The following ELP4 variants were observed in gnomAD, a reference collection of about 807,000 sequenced individuals.
ELP4 encodes elongator complex protein 4.
ELP4 carries 51 observed loss-of-function variants against 48.9 expected under a neutral mutation model. The ratio of observed to expected loss-of-function variants is 1.04; its 90% confidence interval spans 0.83 to 1.32. The LOEUF (loss-of-function observed/expected upper bound fraction) is 1.32, where lower values mean the gene tolerates loss of function less well. Among genes scored for constraint, ELP4 ranks in the 40% most tolerant of loss-of-function variants. The pLI is 0.00. For synonymous variants in ELP4, 210 were observed against 189.2 expected (o/e 1.11, Z -0.90); for missense variants, 519 against 514.6 (o/e 1.01, Z -0.08).
At chr11:31,600,758 G>A (rs896650620) in intron 4 of ELP4, among the ~76,000 whole-genome samples, 10 of 152,094 alleles carry the variant, frequency 6.6e-5, no homozygotes, top group African/African-American at 1.2e-4. Context: ...GATTCTTGAT[G>A]TCTGGTATGC....
chr11:31,632,445 A>G (rs760460505), intron 7 of ELP4, 40 bp downstream of exon 7: 2 of 1,520,436 alleles, frequency 1.3e-6, no homozygotes, highest in African/African-American at 2.8e-5. Flanking sequence ...AATTCATAGT[A>G]ATATAGTATG....
chr11:31,589,969 G>A (rs181810441), intron 3 of ELP4, among the ~76,000 whole-genome samples: 2 of 152,102 alleles, frequency 1.3e-5, no homozygotes, highest in Non-Finnish European at 2.9e-5. Context: ...AAGCAATATA[G>A]CATGGTGGTT....
intron 9 of ELP4, among the ~76,000 whole-genome samples, chr11:31,702,762 T>C (rs1304690801): frequency 6.6e-6 from 1 of 152,156 alleles, no homozygotes; most frequent in African/African-American, 2.4e-5. Context: ...TTTAATTGCC[T>C]TCAGGTATTT....
intron 2 of ELP4, among the ~76,000 whole-genome samples, chr11:31,526,810 ATTAG>A (rs1471270005): frequency 3.3e-5 from 5 of 151,890 alleles, no homozygotes; most frequent in African/African-American, 1.2e-4. Flanking sequence ...CTTCCACTAT[ATTAG>A]TTATTTTCAA....
chr11:31,595,069 G>A (rs970578647), intron 4 of ELP4, among the ~76,000 whole-genome samples, 168 bp downstream of exon 4: 2 of 152,036 alleles, frequency 1.3e-5, no homozygotes, highest in Non-Finnish European at 2.9e-5. Flanking sequence ...AAAATCTATG[G>A]TAACTTGTTT....
chr11:31,647,877 G>T (rs1268244067), intron 8 of ELP4, 28 bp downstream of exon 8: 5 of 1,333,782 alleles, frequency 3.7e-6, no homozygotes, highest in Non-Finnish European at 5.4e-6. Flanking sequence ...AATGAGAAGA[G>T]CAGGAGCAGG....
chr11:31,632,120 C>A, intron 6 of ELP4, 97 bp from the exon 7 acceptor site: 1 of 969,492 alleles, frequency 1.0e-6, no homozygotes, highest in Non-Finnish European at 1.5e-6. Flanking sequence ...TTGACATTGT[C>A]TCCCTGATGT....
At position 31,674,130 on chromosome 11, in the gene ELP4, AT is replaced by A. The variant is rs545548120; in HGVS notation, c.1143+23912del. Reference sequence around the variant, plus strand: ...GCAATTCATCACTCTATTTACAGGCATTTGAGAAATTAGGATCATTGGTATT... The same window carrying A: ...GCAATTCATCACTCTATTTACAGGCATTGAGAAATTAGGATCATTGGTATT... On this transcript the variant is annotated intron_variant, in intron 9 of 9. Coordinates refer to ENST00000640961, the MANE Select transcript of ELP4 (RefSeq NM_019040.5). Among the ~76,000 whole-genome samples, 597 of 152,348 alleles carry A rather than the reference AT, an allele frequency of 3.9e-3. 5 individuals carry two copies. Among genetic ancestry groups the A allele is most frequent in the African/African-American group, 0.014 (570 of 41,586 alleles).
chr11:31,674,892 A>G (rs1336541937), intron 9 of ELP4, among the ~76,000 whole-genome samples: 1 of 152,248 alleles, frequency 6.6e-6, no homozygotes, highest in African/African-American at 2.4e-5. Flanking sequence ...ACCTCTTTAT[A>G]TAATAGCAGT....
intron 3 of ELP4, among the ~76,000 whole-genome samples, chr11:31,583,318 GA>G (rs902122139): frequency 5.9e-5 from 9 of 151,544 alleles, no homozygotes; most frequent in Non-Finnish European, 1.2e-4. Flanking sequence ...ACATCTCATA[GA>G]AAAAAAAATT....
At chr11:31,677,357 A>G (rs1352952800) in intron 9 of ELP4, among the ~76,000 whole-genome samples, 2 of 152,216 alleles carry the variant, frequency 1.3e-5, no homozygotes, top group African/African-American at 2.4e-5. Flanking sequence ...TAAATGGGAA[A>G]GGAGAACTTG....
In ELP4 at chr11:31,603,908, G is replaced by A; in HGVS notation, c.653+1G>A. ...CTTCAACTCTCAAAGTAGAACCCTGGTAAGTTAATGACCCATTTAATAACA... is the reference window on the plus strand; with the variant it reads ...CTTCAACTCTCAAAGTAGAACCCTGATAAGTTAATGACCCATTTAATAACA... On this transcript the variant is annotated splice_donor_variant, in intron 5 of 9. Coordinates refer to ENST00000640961, the MANE Select transcript of ELP4 (RefSeq NM_019040.5). LOFTEE classifies it high-confidence loss of function. 1 of 1,609,438 alleles carries A rather than the reference G, an allele frequency of 6.2e-7. No homozygotes were observed. Among genetic ancestry groups the A allele is most frequent in the Non-Finnish European group, 8.5e-7 (1 of 1,177,204 alleles).
intron 4 of ELP4, among the ~76,000 whole-genome samples, chr11:31,597,563 T>G (rs908351476): frequency 1.3e-5 from 2 of 151,398 alleles, no homozygotes; most frequent in African/African-American, 4.8e-5. Flanking sequence ...TTCTAATTTT[T>G]CTATTGCTGT....
chr11:31,573,381 A>T (rs535545338), intron 3 of ELP4, among the ~76,000 whole-genome samples: 2 of 152,274 alleles, frequency 1.3e-5, no homozygotes, highest in African/African-American at 4.8e-5. Flanking sequence ...CGGTATCAAA[A>T]TCTGTGTTAG....
chr11:31,646,199 A>T (rs1945192704), intron 7 of ELP4: 1 of 151,788 alleles, frequency 6.6e-6, no homozygotes, highest in South Asian at 2.1e-4. Flanking sequence ...AAAAATAGGC[A>T]TTTCCAAACT....
intron 3 of ELP4, among the ~76,000 whole-genome samples, chr11:31,546,530 A>C (rs1956721544): frequency 2.0e-5 from 3 of 152,176 alleles, no homozygotes; most frequent in Admixed American, 1.3e-4. Flanking sequence ...CCACACATTA[A>C]TAGTGGGAGA....
At chr11:31,704,602 G>A (rs766736392) in intron 9 of ELP4, among the ~76,000 whole-genome samples, 5 of 151,922 alleles carry the variant, frequency 3.3e-5, no homozygotes, top group Admixed American at 6.6e-5. Context: ...AAACCTGCAC[G>A]TTGTGCACAT....
At chr11:31,514,383 G>C (rs1301680633) in intron 1 of ELP4, among the ~76,000 whole-genome samples, 2 of 152,094 alleles carry the variant, frequency 1.3e-5, no homozygotes, top group African/African-American at 2.4e-5. Context: ...CCCTGAGCCT[G>C]GGGAGTTCAA....
chr11:31,607,846 G>T (rs191277291), intron 5 of ELP4, among the ~76,000 whole-genome samples: 1 of 152,086 alleles, frequency 6.6e-6, no homozygotes, highest in Admixed American at 6.5e-5. Flanking sequence ...TGTGAGAACC[G>T]CTCGGTCTTT....
Sources: gnomAD v4.1 joint callset for allele counts (sites outside exome capture counted in the v4.1 genomes callset) on GRCh38, gnomAD v4.1.1 for gene constraint, MANE v1.5 for transcripts, NCBI Gene and HGNC (gene_info 2026-07-23, HGNC 2026-07-21) for gene names.